Variants in PCDH10 observed in about 807,000 individuals in gnomAD.
The protein encoded by PCDH10 is protocadherin 10.
In PCDH10, 15 loss-of-function variants were observed where a neutral mutation model predicts 74.4. That is an observed-to-expected ratio of 0.20 (90% CI 0.13 to 0.31). The LOEUF (loss-of-function observed/expected upper bound fraction) is 0.31, where lower values mean the gene tolerates loss of function less well. Among genes scored for constraint, PCDH10 ranks in the 10% least tolerant of loss-of-function variants. The probability of loss-of-function intolerance (pLI) is 1.00; values close to 1 mark genes in which losing one functional copy is unlikely to be tolerated. For synonymous variants in PCDH10, 619 were observed against 589.8 expected (o/e 1.05, Z -0.72); for missense variants, 1,260 against 1,390.2 (o/e 0.91, Z 1.49).
At chr4:133,202,943 C>A (rs879578683) in intron 2 of PCDH10, among the ~76,000 whole-genome samples, 2 of 152,132 alleles carry the variant, frequency 1.3e-5, no homozygotes, top group East Asian at 3.9e-4. Context: ...GGTGAGGCCA[C>A]TTGGTCTTTC....
At chr4:133,156,492 T>G (rs755071853) in intron 3 of PCDH10, among the ~76,000 whole-genome samples, 1 of 152,252 alleles carries the variant, frequency 6.6e-6, no homozygotes, top group Admixed American at 6.5e-5. Context: ...GAAGTTTATA[T>G]GTGCGTACAA....
chr4:133,156,420 C>T (rs926906241), intron 3 of PCDH10, among the ~76,000 whole-genome samples: 9 of 152,244 alleles, frequency 5.9e-5, no homozygotes, highest in South Asian at 2.1e-4. Flanking sequence ...CGGGCCTTCA[C>T]GCTAAGTGAA....
chr4:133,164,655 A>C (rs1727041686), intron 4 of PCDH10, among the ~76,000 whole-genome samples: 1 of 151,746 alleles, frequency 6.6e-6, no homozygotes, highest in African/African-American at 2.4e-5. Context: ...ATCTTGGTGA[A>C]ATTACACTTA....
At chr4:133,205,848 C>G (rs1727990309) in intron 2 of PCDH10, among the ~76,000 whole-genome samples, 1 of 151,992 alleles carries the variant, frequency 6.6e-6, no homozygotes, top group South Asian at 2.1e-4. Context: ...GTATTTTTAA[C>G]TCTTTGCATA....
downstream of PCDH10, among the ~76,000 whole-genome samples, chr4:133,198,775 G>T (rs1727843701): frequency 6.6e-6 from 1 of 152,294 alleles, no homozygotes; most frequent in Non-Finnish European, 1.5e-5. Flanking sequence ...AGATGTTGCT[G>T]CTGAGGTGGG....
rs773122619 is a variant in PCDH10, at chr4:133,151,832, A to G, written c.1692A>G (p.Ile564Met). The change falls in exon 1 of 5, where the codon ATA (isoleucine) becomes ATG (methionine). Residue 564 changes from isoleucine (I) to methionine (M), a missense_variant. Coordinates refer to ENST00000264360, the MANE Select transcript of PCDH10 (RefSeq NM_032961.3). The stretch of plus-strand genomic sequence containing the variant: ...GTAACGCCACTGTCAACATCCTCAT[A>G]GTGGATCAAAATGACAACGCCCCTG... ...LAGNATVNIL[I>M]VDQNDNAPAI... is the part of the protein sequence containing the mutation. 1.5e-5 allele frequency: 24 copies of G among 1,612,924 alleles called. No individual in the cohort carries two copies. The highest frequency in any genetic ancestry group is 1.9e-5 in the Non-Finnish European group (23 of 1,180,026).
downstream of PCDH10, among the ~76,000 whole-genome samples, chr4:133,195,315 CA>C (rs1293655676): frequency 2.6e-5 from 4 of 151,976 alleles, no homozygotes; most frequent in Non-Finnish European, 4.4e-5. Flanking sequence ...ACAAGTTAGC[CA>C]GGGGGAGGGT....
chr4:133,155,224 G>A (rs1245839891), intron 3 of PCDH10, among the ~76,000 whole-genome samples: 1 of 152,190 alleles, frequency 6.6e-6, no homozygotes, highest in Non-Finnish European at 1.5e-5. Context: ...GAGAGTTAAT[G>A]TTAGGAATTC....
intron 4 of PCDH10, among the ~76,000 whole-genome samples, chr4:133,179,586 A>G (rs1727366889): frequency 1.3e-5 from 2 of 152,120 alleles, no homozygotes; most frequent in South Asian, 4.1e-4. Context: ...TTACTCATCA[A>G]TCAAGATTCA....
At chr4:133,153,906 G>A (rs899965232) in intron 1 of PCDH10, 15 of 164,836 alleles carry the variant, frequency 9.1e-5, no homozygotes, top group Admixed American at 6.5e-5. Context: ...CTTATTGAGC[G>A]TGCTGTTTTT....
chr4:133,164,112 C>A (rs920776969), intron 4 of PCDH10: 1 of 439,070 alleles, frequency 2.3e-6, no homozygotes, highest in Non-Finnish European at 4.5e-6. Flanking sequence ...CTCAGAACCA[C>A]AAATACCCCA....
chr4:133,189,162 A>C (rs961322572), intron 4 of PCDH10, among the ~76,000 whole-genome samples: 2 of 152,190 alleles, frequency 1.3e-5, no homozygotes, highest in African/African-American at 4.8e-5. Context: ...TTGTTTAAAA[A>C]AAGCAACCAT....
intron 3 of PCDH10, among the ~76,000 whole-genome samples, chr4:133,155,899 GT>G (rs1355181872): frequency 6.6e-6 from 1 of 151,868 alleles, no homozygotes; most frequent in African/African-American, 2.4e-5. Context: ...TAATTTTTTG[GT>G]TTTCATCTTT....
intron 4 of PCDH10, among the ~76,000 whole-genome samples, chr4:133,174,000 A>T (rs1163193563): frequency 6.6e-6 from 1 of 151,962 alleles, no homozygotes; most frequent in Non-Finnish European, 1.5e-5. Flanking sequence ...CAACGAAGTC[A>T]GTTTACTCTA....
At chr4:133,165,624 G>A (rs1428034535) in intron 4 of PCDH10, among the ~76,000 whole-genome samples, 1 of 150,500 alleles carries the variant, frequency 6.6e-6, no homozygotes, top group Non-Finnish European at 1.5e-5. Flanking sequence ...TATTAAAGTT[G>A]TAGAGTTTTT....
chr4:133,194,904 C>T (rs1177203494), downstream of PCDH10, among the ~76,000 whole-genome samples: 3 of 151,896 alleles, frequency 2.0e-5, no homozygotes, highest in African/African-American at 7.2e-5. Context: ...CCACCTAATG[C>T]TGTATTTACT....
In PCDH10 at chr4:133,151,392, G is replaced by A. The variant is rs765503407; in HGVS notation, c.1252G>A (p.Glu418Lys). The A allele has an allele frequency of 1.7e-5, 28 of 1,614,122 alleles. No individual in the cohort carries two copies. The highest frequency in any genetic ancestry group is 4.4e-5 in the South Asian group (4 of 91,088). ...SFKNYYTIVT[E>K]APLDREAGDS... ...TAAGAATTACTACACCATCGTTACCGAAGCCCCCCTGGACCGAGAGGCGGG... is the reference window on the plus strand; with the variant it reads ...TAAGAATTACTACACCATCGTTACCAAAGCCCCCCTGGACCGAGAGGCGGG... Residue 418 changes from glutamate to lysine, a missense_variant, in exon 1 of 5, where the codon GAA becomes AAA. By Grantham distance (56) the Glu-to-Lys change is moderately conservative (BLOSUM62 1). Transcript: ENST00000264360.
chr4:133,150,930 C>T lies in PCDH10; in HGVS notation c.790C>T (p.Pro264Ser). The T allele has an allele frequency of 1.9e-6, 3 of 1,613,830 alleles. No homozygotes were observed. The highest frequency in any genetic ancestry group is 2.5e-6 in the Non-Finnish European group (3 of 1,180,022). Residue 264 changes from proline (P) to serine (S), a missense_variant, in exon 1 of 5, where the codon CCC becomes TCC. Pro to Ser is a moderately conservative substitution (Grantham distance 74). Transcript: ENST00000264360. ...CACTGTGTCCCTACCAGAGAACTCT[C>T]CCCCAGGCACTCTCGTGATCCAGCT... ...VYTVSLPENS[P>S]PGTLVIQLNA...
chr4:133,194,925 T>G (rs1490813341), downstream of PCDH10, among the ~76,000 whole-genome samples: 1 of 152,018 alleles, frequency 6.6e-6, no homozygotes, highest in Non-Finnish European at 1.5e-5. Flanking sequence ...TTTTAACTTT[T>G]TTTTGATGTG....
Sources: allele counts gnomAD v4.1 joint callset (sites outside exome capture counted in the v4.1 genomes callset), GRCh38; gene constraint gnomAD v4.1.1; transcripts MANE v1.5; gene names NCBI Gene and HGNC (gene_info 2026-07-23, HGNC 2026-07-21).